CCDC6: variants seen among roughly 807,000 people sequenced by gnomAD.
CCDC6 encodes coiled-coil domain containing 6.
A neutral mutation model predicts 56.6 loss-of-function variants in CCDC6; 20 were observed. That is an observed-to-expected ratio of 0.35 (90% CI 0.25 to 0.51). The LOEUF (loss-of-function observed/expected upper bound fraction) is 0.51. CCDC6 is among the 20% of genes least tolerant of loss of function. The probability of loss-of-function intolerance (pLI) is 0.95; values close to 1 mark genes in which losing one functional copy is unlikely to be tolerated. For missense variants in CCDC6, 367 were observed against 601.1 expected (o/e 0.61, Z 4.07); for synonymous variants, 241 against 234.4 (o/e 1.03, Z -0.26).
At chr10:59,896,795 T>C (rs1279389737) in intron 1 of CCDC6, among the ~76,000 whole-genome samples, 2 of 149,938 alleles carry the variant, frequency 1.3e-5, no homozygotes, top group African/African-American at 2.5e-5. Context: ...AGCCACTGAA[T>C]TGTACACTTA....
chr10:59,839,132 G>A (rs2070914123), intron 2 of CCDC6, among the ~76,000 whole-genome samples: 2 of 152,144 alleles, frequency 1.3e-5, no homozygotes, highest in Admixed American at 1.3e-4. Context: ...TCTGCATTTT[G>A]CAAAGAGTGA....
intron 2 of CCDC6, among the ~76,000 whole-genome samples, chr10:59,842,611 G>A (rs2070949521): frequency 6.6e-6 from 1 of 152,048 alleles, no homozygotes; most frequent in Admixed American, 6.6e-5. Flanking sequence ...TATATTTTGT[G>A]TAGGATTTTT....
At chr10:59,849,747 G>A (rs978963679) in intron 2 of CCDC6, among the ~76,000 whole-genome samples, 5 of 152,066 alleles carry the variant, frequency 3.3e-5, no homozygotes, top group African/African-American at 1.2e-4. Flanking sequence ...CTCTTAGCAG[G>A]CTTTTTTTTA....
chr10:59,816,047 A>G (rs1217463570), intron 3 of CCDC6, among the ~76,000 whole-genome samples: 2 of 152,186 alleles, frequency 1.3e-5, no homozygotes, highest in Non-Finnish European at 2.9e-5. Flanking sequence ...GATGGTTAGT[A>G]CTACCAACAC....
At chr10:59,841,347 C>G (rs1408506788) in intron 2 of CCDC6, among the ~76,000 whole-genome samples, 2 of 152,216 alleles carry the variant, frequency 1.3e-5, no homozygotes, top group Non-Finnish European at 2.9e-5. Context: ...TTCAACTGTC[C>G]CTATGCCCTT....
chr10:59,818,499 G>GC (rs1554883208), intron 3 of CCDC6, among the ~76,000 whole-genome samples: 2 of 116,074 alleles, frequency 1.7e-5, no homozygotes, highest in African/African-American at 3.9e-5. Context: ...TGTTGACGGG[G>GC]GGGGGGGAAG....
intron 1 of CCDC6, among the ~76,000 whole-genome samples, chr10:59,905,425 C>A (rs1407595735): frequency 2.0e-5 from 3 of 152,242 alleles, no homozygotes; most frequent in Admixed American, 6.5e-5. Flanking sequence ...CACTACCCTT[C>A]CCCTGGTTTC....
Position 59,806,218 on chromosome 10 carries a change from TTTG to T in CCDC6, c.1004+701_1004+703del, listed in dbSNP as rs2070620853. On this transcript the variant is annotated intron_variant, in intron 6 of 8. Coordinates refer to ENST00000263102, the MANE Select transcript of CCDC6 (RefSeq NM_005436.5). ...GAACATCTTTTTCCATTTATACTTG[TTTG>T]TTATCTTACCACTACCTTATCCCGA... 3.3e-5 allele frequency among the ~76,000 whole-genome samples: 5 copies of T among 152,326 alleles called. No individual in the cohort carries two copies. In the South Asian group the frequency reaches 1.0e-3, roughly 32 times the overall value.
In CCDC6 at chr10:59,804,490, T is replaced by C. The variant is rs1308645905; in HGVS notation, c.1035A>G (p.Leu345=). 1 of 1,612,354 alleles carries C rather than the reference T, an allele frequency of 6.2e-7. No individual in the cohort carries two copies. Among genetic ancestry groups the C allele is most frequent in the Admixed American group, 1.7e-5 (1 of 60,004 alleles). ...RYFNEMSAQG[L]RPRTVSSPIP... ...TCGGGCTGGACACAGTGCGAGGTCT[T>C]AATCCTTGTGCAGACATCTCATTAA... is the stretch of plus-strand genomic sequence containing the variant. The change falls in exon 7 of 9, where the codon TTA becomes TTG. Residue 345 remains leucine (L), a synonymous_variant. Coordinates refer to ENST00000263102, the MANE Select transcript of CCDC6 (RefSeq NM_005436.5).
chr10:59,813,240 A>G (rs1311347561), intron 4 of CCDC6, among the ~76,000 whole-genome samples: 1 of 152,192 alleles, frequency 6.6e-6, no homozygotes, highest in Non-Finnish European at 1.5e-5. Context: ...GTAAAGTAAC[A>G]CAGAGACTCA....
chr10:59,854,115 T>A (rs1006296073), intron 1 of CCDC6, among the ~76,000 whole-genome samples: 1 of 152,072 alleles, frequency 6.6e-6, no homozygotes, highest in Non-Finnish European at 1.5e-5. Flanking sequence ...ATTTATAATA[T>A]TCCAAGAGAA....
At chr10:59,849,416 A>T (rs529218252) in intron 2 of CCDC6, among the ~76,000 whole-genome samples, 4 of 152,258 alleles carry the variant, frequency 2.6e-5, no homozygotes, top group Admixed American at 2.6e-4. Flanking sequence ...GGGCAAAGGG[A>T]TTTACTCTCA....
In CCDC6 at chr10:59,791,617, A is replaced by G. The variant is rs2070468408; in HGVS notation, c.*1300T>C. On this transcript the variant is annotated 3_prime_UTR_variant, in exon 9 of 9. Coordinates refer to ENST00000263102, the MANE Select transcript of CCDC6 (RefSeq NM_005436.5). ...TAAAATATACATTCTCTAGTAAGTT[A>G]TTTTCATCCACAGCATATATAAATA... The G allele has an allele frequency of 9.9e-6, 2 of 202,062 alleles. No homozygotes were observed. The highest frequency in any genetic ancestry group is 2.0e-5 in the Non-Finnish European group (2 of 97,952). 12.5% of individuals were successfully genotyped at this position (202,062 alleles called of 1,614,324 possible). A position where few individuals can be genotyped will look rare whatever the true frequency, so the allele number is the denominator to read the frequency against.
intron 1 of CCDC6, among the ~76,000 whole-genome samples, chr10:59,866,740 C>T (rs1328681839): frequency 1.3e-5 from 2 of 152,122 alleles, no homozygotes; most frequent in African/African-American, 4.8e-5. Context: ...GCTCCTAGTC[C>T]TTCTATGGTC....
intron 6 of CCDC6, chr10:59,804,825 T>C: frequency 3.7e-6 from 1 of 270,200 alleles, no homozygotes; most frequent in Non-Finnish European, 7.1e-6. Flanking sequence ...ACACAACAGC[T>C]ATGTTGAAAT....
rs1295290975 is a variant in CCDC6 at position 59,816,612 on chromosome 10, G to A, written c.583-1857C>T. Among the ~76,000 whole-genome samples, 5 of 152,176 alleles carry A rather than the reference G, an allele frequency of 3.3e-5. No individual in the cohort carries two copies. The East Asian group carries it at 5.8e-4, about 18-fold the overall frequency. On this transcript the variant is annotated intron_variant, in intron 3 of 8. Transcript: ENST00000263102. ...GACAAAAATAATGTCTGGCTCATTG[G>A]ATTACAGTGAGCATTACATTTGTAA...
At chr10:59,810,638 C>T (rs2070664754) in intron 5 of CCDC6, among the ~76,000 whole-genome samples, 1 of 152,118 alleles carries the variant, frequency 6.6e-6, no homozygotes, top group African/African-American at 2.4e-5. Context: ...TTCCACCAAA[C>T]ACACATAGTA....
At chr10:59,884,186 A>G (rs1344905805) in intron 1 of CCDC6, among the ~76,000 whole-genome samples, 1 of 152,230 alleles carries the variant, frequency 6.6e-6, no homozygotes, top group African/African-American at 2.4e-5. Context: ...CAGGAAAAAA[A>G]TAAAGGTAAG....
At chr10:59,829,253 C>T (rs2070815042) in intron 3 of CCDC6, among the ~76,000 whole-genome samples, 1 of 152,198 alleles carries the variant, frequency 6.6e-6, no homozygotes, top group African/African-American at 2.4e-5. Flanking sequence ...GCTCTACTTT[C>T]AAAACAAACA....
Sources: allele counts gnomAD v4.1 joint callset (sites outside exome capture counted in the v4.1 genomes callset), GRCh38; gene constraint gnomAD v4.1.1; transcripts MANE v1.5; gene names NCBI Gene and HGNC (gene_info 2026-07-23, HGNC 2026-07-21).